Variants in FNBP1 observed in about 807,000 individuals in gnomAD.
The protein encoded by FNBP1 is formin-binding protein 1.
Under a neutral mutation model 90.6 loss-of-function variants are expected in FNBP1, and 26 were observed. The ratio of observed to expected loss-of-function variants is 0.29; its 90% CI spans 0.21 to 0.40. The LOEUF (loss-of-function observed/expected upper bound fraction) is 0.40, where lower values mean the gene tolerates loss of function less well. FNBP1 is among the 10% of genes least tolerant of loss of function. FNBP1 has a pLI of 1.00. For missense variants in FNBP1, 635 were observed against 768.0 expected (o/e 0.83, Z 2.05); for synonymous variants, 260 against 265.2 (o/e 0.98, Z 0.19).
chr9:129,909,113 A>T, intron 11 of FNBP1, 114 bp from the exon 12 acceptor site: 1 of 757,990 alleles, frequency 1.3e-6, no homozygotes, highest in African/African-American at 1.7e-5. Context: ...TGGCTTCATG[A>T]AATAGATTAA....
At position 129,890,348 on chromosome 9, in the gene FNBP1, C is replaced by G. The variant is rs1564239574; in HGVS notation, c.*191G>C. The G allele has an allele frequency of 1.6e-6, 1 of 606,374 alleles. No homozygotes were observed. Among genetic ancestry groups the G allele is most frequent in the Non-Finnish European group, 2.9e-6 (1 of 339,812 alleles). The allele number at this position is 606,374 out of a possible 1,614,324, so 37.6% of individuals were successfully genotyped here. On this transcript the variant is annotated 3_prime_UTR_variant, in exon 17 of 17. Transcript: ENST00000446176. This position sits in a 1 kb window ranked among gnomAD's most constrained non-coding sequence, Gnocchi z 5.8. ...GTGGGCGCTGGCGAGACTTGTCCCC[C>G]ACGAGGTGGCCCGGGCTGGGCGGGA... is the stretch of plus-strand genomic sequence containing the variant.
intron 6 of FNBP1, among the ~76,000 whole-genome samples, chr9:129,933,232 CACAT>C (rs2043009619): frequency 6.6e-6 from 1 of 152,160 alleles, no homozygotes; most frequent in Non-Finnish European, 1.5e-5. Flanking sequence ...TACACGCACA[CACAT>C]ACACACACAC....
intron 1 of FNBP1, among the ~76,000 whole-genome samples, chr9:130,036,909 G>A (rs995227449): frequency 5.9e-5 from 9 of 152,172 alleles, no homozygotes; most frequent in Non-Finnish European, 1.0e-4. Context: ...GCCGGGCGCG[G>A]TGGCAGGCGC....
At position 129,890,975 on chromosome 9, in the gene FNBP1, T is replaced by C. The variant is rs1028306502; in HGVS notation, c.1847-429A>G. ...TTCAAGACCAGCCTGGCTAACATGG[T>C]GAAAACCCATCTCTATTAAAAATAC... On this transcript the variant is annotated intron_variant, in intron 16 of 16. Coordinates refer to ENST00000446176, the MANE Select transcript of FNBP1 (RefSeq NM_015033.3). This position sits in a 1 kb window ranked among gnomAD's most constrained non-coding sequence, Gnocchi z 5.8. Among the ~76,000 whole-genome samples the C allele has an allele frequency of 9.2e-5, 14 of 151,424 alleles. No individual in the cohort carries two copies. The highest frequency in any genetic ancestry group is 8.6e-4 in the Admixed American group (13 of 15,204).
chr9:130,005,442 A>C (rs2076750992), intron 1 of FNBP1, among the ~76,000 whole-genome samples: 1 of 150,698 alleles, frequency 6.6e-6, no homozygotes, highest in Non-Finnish European at 1.5e-5. Flanking sequence ...CTCGGGTTCA[A>C]GCGATTCTCC....
At chr9:129,983,720 A>C (rs2051678954) in intron 2 of FNBP1, among the ~76,000 whole-genome samples, 1 of 152,084 alleles carries the variant, frequency 6.6e-6, no homozygotes, top group Admixed American at 6.6e-5. Context: ...GTGAGGCAGG[A>C]GAATCGCTTA....
At position 129,958,521 on chromosome 9, in the gene FNBP1, G is replaced by A; in HGVS notation, c.378C>T (p.His126=). The change falls in exon 5 of 17, where the codon CAC becomes CAT. Residue 126 remains histidine (H), a synonymous_variant. Transcript: ENST00000446176. ...NFHDGRKAQQ[H]IETCWKQLES... is the part of the protein sequence containing the mutation. ...CAAGCTGCTTCCAGCAAGTCTCGAT[G>A]TGCTGCTGTGCTTTACGGCCATCGT... 4 of 1,598,900 alleles carry A rather than the reference G, an allele frequency of 2.5e-6. No individual in the cohort carries two copies. Among genetic ancestry groups the A allele is most frequent in the Non-Finnish European group, 3.4e-6 (4 of 1,171,960 alleles).
intron 6 of FNBP1, among the ~76,000 whole-genome samples, chr9:129,937,427 T>C (rs1443421537): frequency 1.3e-5 from 2 of 152,138 alleles, no homozygotes; most frequent in East Asian, 3.9e-4. Flanking sequence ...AATGTATATA[T>C]AACTTTTAAG....
At chr9:130,012,626 T>C (rs2056763615) in intron 1 of FNBP1, among the ~76,000 whole-genome samples, 1 of 151,802 alleles carries the variant, frequency 6.6e-6, no homozygotes, top group Admixed American at 6.6e-5. Context: ...GTAGGAAATT[T>C]GTTTTGTTTT....
In FNBP1 at chr9:129,895,768, T is replaced by C. The variant is rs780089292; in HGVS notation, c.1846+70A>G. On this transcript the variant is annotated intron_variant, in intron 16 of 16. Transcript: ENST00000446176. ...GAGGAACTGCCTGTAACAGTCATGGTTGTGGGGAGAAACAACTCCATTTTT... is the reference window on the plus strand; with the variant it reads ...GAGGAACTGCCTGTAACAGTCATGGCTGTGGGGAGAAACAACTCCATTTTT... 2.3e-5 allele frequency: 33 copies of C among 1,457,002 alleles called. No individual in the cohort carries two copies. In the African/African-American group the frequency reaches 3.6e-4, roughly 16 times the overall value. 90.3% of individuals were successfully genotyped at this position (1,457,002 alleles called of 1,614,324 possible).
chr9:130,007,874 G>A (rs984369349), intron 1 of FNBP1, among the ~76,000 whole-genome samples: 1 of 151,854 alleles, frequency 6.6e-6, no homozygotes, highest in African/African-American at 2.4e-5. Context: ...AAATTAGCTG[G>A]GTATGGTGGC....
chr9:129,899,642 T>C (rs746453122), intron 15 of FNBP1, among the ~76,000 whole-genome samples: 23 of 151,586 alleles, frequency 1.5e-4, no homozygotes, highest in Non-Finnish European at 2.8e-4. Context: ...GGTTGGAGGA[T>C]CACTTGAGCC....
chr9:129,943,924 C>G (rs2044747187), intron 6 of FNBP1, among the ~76,000 whole-genome samples: 1 of 131,010 alleles, frequency 7.6e-6, no homozygotes, highest in African/African-American at 2.9e-5. Context: ...ACCTGGGAAG[C>G]AGAGCTTGCA....
intron 1 of FNBP1, among the ~76,000 whole-genome samples, chr9:130,036,958 T>C (rs555298481): frequency 6.7e-6 from 1 of 149,712 alleles, no homozygotes; most frequent in Non-Finnish European, 1.5e-5. Flanking sequence ...GGCGGGAGAA[T>C]GGTGTGAACC....
intron 13 of FNBP1, among the ~76,000 whole-genome samples, chr9:129,902,168 G>C (rs1180798657): frequency 6.6e-6 from 1 of 152,040 alleles, no homozygotes; most frequent in Non-Finnish European, 1.5e-5. Context: ...TCCATAATGG[G>C]CCTGCTGAGA....
intron 1 of FNBP1, among the ~76,000 whole-genome samples, chr9:130,036,285 A>G (rs889819677): frequency 3.9e-5 from 6 of 152,196 alleles, no homozygotes; most frequent in Non-Finnish European, 8.8e-5. Context: ...AGGAAACATA[A>G]TATTAGCTTT....
chr9:129,921,897 T>C lies in FNBP1; in HGVS notation c.1170+1947A>G, dbSNP rs73672514. ...GTGTCAGTTGACACTCAAGAAAGGA[T>C]GGCATCCACCTCTGGCTTTGGGGCA... On this transcript the variant is annotated intron_variant, in intron 10 of 16. Coordinates refer to ENST00000446176, the MANE Select transcript of FNBP1 (RefSeq NM_015033.3). Among the ~76,000 whole-genome samples, 888 of 152,282 alleles carry C rather than the reference T, an allele frequency of 5.8e-3. 4 individuals carry two copies. The highest frequency in any genetic ancestry group is 0.02 in the African/African-American group (851 of 41,564).
At chr9:129,949,731 A>AAC (rs1170967329) in intron 6 of FNBP1, among the ~76,000 whole-genome samples, 1 of 152,070 alleles carries the variant, frequency 6.6e-6, no homozygotes, top group East Asian at 1.9e-4. Context: ...AACAAAACAA[A>AAC]AAAAAAAACA....
chr9:129,992,301 C>A (rs1026298867), intron 2 of FNBP1, among the ~76,000 whole-genome samples: 4 of 152,160 alleles, frequency 2.6e-5, no homozygotes, highest in Non-Finnish European at 5.9e-5. Flanking sequence ...AAATAATCAA[C>A]GTGAAACAGA....
Sources: allele counts gnomAD v4.1 joint callset (sites outside exome capture counted in the v4.1 genomes callset), GRCh38; gene constraint gnomAD v4.1.1; non-coding constraint Gnocchi (gnomAD v3.1); transcripts MANE v1.5; gene names NCBI Gene and HGNC (gene_info 2026-07-23, HGNC 2026-07-21).